HAPLN1: variants seen among roughly 807,000 people sequenced by gnomAD.
HAPLN1 encodes the protein Cartilage link protein.
In HAPLN1, 13 loss-of-function variants were observed where a neutral mutation model predicts 36.5. That is an observed-to-expected ratio of 0.36 (90% confidence interval 0.23 to 0.57). HAPLN1 has a LOEUF of 0.57. Among genes scored for constraint, HAPLN1 ranks in the 20% least tolerant of loss-of-function variants. HAPLN1 has a pLI of 0.83. For missense variants in HAPLN1, 407 were observed against 439.7 expected (o/e 0.93, Z 0.66); for synonymous variants, 202 against 169.8 (o/e 1.19, Z -1.48).
intron 2 of HAPLN1, among the ~76,000 whole-genome samples, chr5:83,655,749 C>T (rs917444135): frequency 5.9e-5 from 9 of 152,108 alleles, no homozygotes; most frequent in African/African-American, 2.2e-4. Context: ...GAGAAGTGGT[C>T]TATTGCAGGC....
In HAPLN1 at chr5:83,652,415, GACCATTTAT is replaced by G. The variant is rs771993077; in HGVS notation, c.472+29_472+37del. The stretch of plus-strand genomic sequence containing the variant: ...CATGAAAAAAAAAGCAACTATTAAT[GACCATTTAT>G]ACGTTGAACATGACTTATAGATACA... On this transcript the variant is annotated intron_variant, in intron 3 of 4. Coordinates refer to ENST00000274341, the MANE Select transcript of HAPLN1 (RefSeq NM_001884.4). The G allele has an allele frequency of 1.9e-6, 3 of 1,553,742 alleles. No homozygotes were observed. In the South Asian group the frequency reaches 3.7e-5, roughly 19 times the overall value.
chr5:83,661,485 C>T (rs1056777516), intron 2 of HAPLN1, among the ~76,000 whole-genome samples: 3 of 114,534 alleles, frequency 2.6e-5, no homozygotes, highest in Non-Finnish European at 4.9e-5. Context: ...TGCTCTGTTG[C>T]GAAGGCCGGA....
In HAPLN1 at chr5:83,665,181, A is replaced by C. The variant is rs963024454; in HGVS notation, c.100+8243T>G. On this transcript the variant is annotated intron_variant, in intron 2 of 4. Coordinates refer to ENST00000274341, the MANE Select transcript of HAPLN1 (RefSeq NM_001884.4). ...TTCTGTGCTGAAGAAACCAAAAAGA[A>C]AAAAAAAGAGAATAAAAAGCCTTGT... Among the ~76,000 whole-genome samples, 8 of 152,058 alleles carry C rather than the reference A, an allele frequency of 5.3e-5. No individual in the cohort carries two copies. In the East Asian group the frequency reaches 1.5e-3, roughly 29 times the overall value.
Position 83,688,642 on chromosome 5 carries a change from C to CTTTTTTTTTTTTT in HAPLN1, c.-26-15106_-26-15094dup, listed in dbSNP as rs539790396. Among the ~76,000 whole-genome samples, 29 of 80,588 alleles carry CTTTTTTTTTTTTT rather than the reference C, an allele frequency of 3.6e-4. 2 individuals are homozygous for CTTTTTTTTTTTTT. Among genetic ancestry groups the CTTTTTTTTTTTTT allele is most frequent in the East Asian group, 5.0e-4 (1 of 2,006 alleles). The allele number at this position is 80,588 out of a possible 152,430, so 52.9% of individuals were successfully genotyped here. A position where few individuals can be genotyped will look rare whatever the true frequency, so the allele number is the denominator to read the frequency against. The stretch of plus-strand genomic sequence containing the variant: ...TATTTGCCAAATGCAGCTTTTGATT[C>CTTTTTTTTTTTTT]TTTTTTTTTTTTTTTTTTTTTTTTT... On this transcript the variant is annotated intron_variant, in intron 1 of 4. Coordinates refer to ENST00000274341, the MANE Select transcript of HAPLN1 (RefSeq NM_001884.4).
intron 2 of HAPLN1, among the ~76,000 whole-genome samples, chr5:83,670,053 G>T (rs1434995541): frequency 6.6e-6 from 1 of 152,076 alleles, no homozygotes. Context: ...TTTGCATATT[G>T]GTTAATAGGC....
At chr5:83,713,388 A>G (rs1292896024) in intron 1 of HAPLN1, among the ~76,000 whole-genome samples, 1 of 152,212 alleles carries the variant, frequency 6.6e-6, no homozygotes, top group African/African-American at 2.4e-5. Flanking sequence ...CTGAGTGGAT[A>G]TTTATAGTTA....
intron 1 of HAPLN1, among the ~76,000 whole-genome samples, chr5:83,695,475 T>C (rs1360618365): frequency 6.6e-6 from 1 of 151,750 alleles, no homozygotes; most frequent in African/African-American, 2.4e-5. Context: ...AATCAATCGA[T>C]TGCTCAACAG....
chr5:83,649,184 G>A (rs934366899), intron 3 of HAPLN1, among the ~76,000 whole-genome samples: 7 of 152,110 alleles, frequency 4.6e-5, no homozygotes, highest in African/African-American at 1.7e-4. Flanking sequence ...ATGATATATG[G>A]ATTCATTACA....
intron 1 of HAPLN1, among the ~76,000 whole-genome samples, chr5:83,708,332 C>T (rs1011101613): frequency 1.3e-5 from 2 of 152,026 alleles, no homozygotes; most frequent in Non-Finnish European, 2.9e-5. Context: ...TAATGACAGA[C>T]TAAATAAAGA....
chr5:83,644,565 G>C lies in HAPLN1; in HGVS notation c.573C>G (p.Phe191Leu), dbSNP rs201656281. Reference sequence around the variant, plus strand: ...CCCGCCAGGCGTCGTACAGCTGGTCGAAGGAGGCGATCACAGCATCCTGGT... The same window carrying C: ...CCCGCCAGGCGTCGTACAGCTGGTCCAAGGAGGCGATCACAGCATCCTGGT... ...CLDQDAVIASFDQLYDAWRGG... is the reference protein window; with the variant it reads ...CLDQDAVIASLDQLYDAWRGG... The change falls in exon 4 of 5, where the codon TTC becomes TTG. Residue 191 changes from phenylalanine (F) to leucine (L), a missense_variant. Transcript: ENST00000274341. The C allele has an allele frequency of 8.7e-5, 139 of 1,597,778 alleles. No homozygotes were observed. The highest frequency in any genetic ancestry group is 1.4e-4 in the Admixed American group (8 of 57,038).
intron 2 of HAPLN1, among the ~76,000 whole-genome samples, chr5:83,653,912 G>C (rs1321955008): frequency 6.6e-6 from 1 of 152,230 alleles, no homozygotes; most frequent in East Asian, 1.9e-4. Context: ...AAGAGCTCCT[G>C]GATACGGATA....
In HAPLN1 at chr5:83,652,655, C is replaced by T. The variant is rs966589290; in HGVS notation, c.270G>A (p.Lys90=). 7 of 1,613,948 alleles carry T rather than the reference C, an allele frequency of 4.3e-6. No individual in the cohort carries two copies. The African/African-American group carries it at 6.7e-5, about 15-fold the overall frequency. ...CCATGGAAACAAAAACATCCACTTC[C>T]TTGAGGTAATCCGAAGTTAGCTTGG... ...KWTKLTSDYL[K]EVDVFVSMGY... Residue 90 remains lysine (K), a synonymous_variant, in exon 3 of 5, where the codon AAG becomes AAA. Coordinates refer to ENST00000274341, the MANE Select transcript of HAPLN1 (RefSeq NM_001884.4).
At chr5:83,657,231 GT>G (rs1365070631) in intron 2 of HAPLN1, among the ~76,000 whole-genome samples, 1 of 151,916 alleles carries the variant, frequency 6.6e-6, no homozygotes, top group African/African-American at 2.4e-5. Flanking sequence ...GAGTAGCTGG[GT>G]TTACAGGTGC....
intron 2 of HAPLN1, among the ~76,000 whole-genome samples, chr5:83,670,529 G>C (rs1350834263): frequency 1.3e-5 from 2 of 152,188 alleles, no homozygotes; most frequent in African/African-American, 2.4e-5. Context: ...AAATGGATTA[G>C]TGTGTGTGAA....
intron 1 of HAPLN1, among the ~76,000 whole-genome samples, chr5:83,719,908 T>G (rs982215444): frequency 6.6e-6 from 1 of 152,204 alleles, no homozygotes. Flanking sequence ...CACTGGAACA[T>G]GTACAGGAAC....
chr5:83,683,511 T>C (rs929851636), intron 1 of HAPLN1, among the ~76,000 whole-genome samples: 2 of 152,208 alleles, frequency 1.3e-5, no homozygotes, highest in African/African-American at 4.8e-5. Context: ...CTCATCAGTG[T>C]TGGGCAAATG....
intron 2 of HAPLN1, 103 bp downstream of exon 2, chr5:83,673,321 G>T: frequency 2.6e-6 from 2 of 758,936 alleles, no homozygotes; most frequent in Non-Finnish European, 2.2e-6. Flanking sequence ...GAAAGAAAAA[G>T]TCAATGCAGC....
chr5:83,693,590 C>A (rs1348227233), intron 1 of HAPLN1, among the ~76,000 whole-genome samples: 1 of 151,468 alleles, frequency 6.6e-6, no homozygotes, highest in Non-Finnish European at 1.5e-5. Context: ...TTAAGATAAT[C>A]TAAATAAGAA....
intron 2 of HAPLN1, among the ~76,000 whole-genome samples, chr5:83,658,554 G>A (rs942146164): frequency 5.3e-5 from 8 of 152,062 alleles, no homozygotes; most frequent in African/African-American, 7.2e-5. Context: ...TTTGTCTCTC[G>A]TACTTTACAC....
Sources: gnomAD v4.1 joint callset for allele counts (sites outside exome capture counted in the v4.1 genomes callset) on GRCh38, gnomAD v4.1.1 for gene constraint, MANE v1.5 for transcripts, NCBI Gene and HGNC (gene_info 2026-07-23, HGNC 2026-07-21) for gene names.